OPCML: variants seen among roughly 807,000 people sequenced by gnomAD.
The protein encoded by OPCML is opioid binding protein/cell adhesion molecule like.
A neutral mutation model predicts 37.8 loss-of-function variants in OPCML; 13 were observed. That is an observed-to-expected ratio of 0.34 (90% CI 0.22 to 0.55). The LOEUF is 0.55. Among genes scored for constraint, OPCML ranks in the 20% least tolerant of loss-of-function variants. The probability of loss-of-function intolerance (pLI) is 0.91; values close to 1 mark genes in which losing one functional copy is unlikely to be tolerated. For missense variants in OPCML, 341 were observed against 435.6 expected (o/e 0.78, Z 1.93); for synonymous variants, 176 against 168.8 (o/e 1.04, Z -0.33).
intron 2 of OPCML, among the ~76,000 whole-genome samples, chr11:132,739,919 G>A (rs1445334265): frequency 3.9e-5 from 6 of 151,966 alleles, no homozygotes; most frequent in Admixed American, 6.6e-5. Flanking sequence ...AACCTATTTC[G>A]ACAAACAGAT....
intron 2 of OPCML, among the ~76,000 whole-genome samples, chr11:132,669,999 G>T (rs1227534015): frequency 1.3e-5 from 2 of 152,030 alleles, no homozygotes; most frequent in Non-Finnish European, 2.9e-5. Context: ...CTCTGACTCT[G>T]CCCTCCCTTC....
At chr11:132,593,265 G>A (rs1382015014) in intron 3 of OPCML, among the ~76,000 whole-genome samples, 3 of 152,218 alleles carry the variant, frequency 2.0e-5, no homozygotes, top group East Asian at 1.9e-4. Flanking sequence ...CAAGGATGTC[G>A]GTGTGGCTGG....
At chr11:133,036,959 C>G (rs774082984) in intron 1 of OPCML, among the ~76,000 whole-genome samples, 3 of 152,144 alleles carry the variant, frequency 2.0e-5, no homozygotes, top group Admixed American at 1.3e-4. Flanking sequence ...TCTGCAGGAG[C>G]TCCAAGACCA....
intron 1 of OPCML, among the ~76,000 whole-genome samples, chr11:133,073,475 G>C (rs918426385): frequency 9.2e-5 from 14 of 152,218 alleles, no homozygotes; most frequent in Non-Finnish European, 7.3e-5. Flanking sequence ...ACAGGGAGCT[G>C]AGGGCAGTTC....
intron 1 of OPCML, chr11:133,005,575 T>A (rs1395502): frequency 0.77 from 762,461 of 984,736 alleles, 295,820 homozygotes; most frequent in African/African-American, 0.9. Context: ...TTTTAATATA[T>A]CCCTTTCCTT....
rs1940720731 is a variant in OPCML at position 132,832,055 on chromosome 11, CT to C, written c.146+110870del. Among the ~76,000 whole-genome samples the C allele has an allele frequency of 2.6e-5, 4 of 151,934 alleles. No homozygotes were observed. In the South Asian group the frequency reaches 8.3e-4, roughly 32 times the overall value. ...GTGGGACATTTGCTGCATGACAACT[CT>C]GGTTCAAAGAATGACTGTGTGTCTG... On this transcript the variant is annotated intron_variant, in intron 2 of 7. Transcript: ENST00000524381.
intron 1 of OPCML, chr11:133,004,469 G>A (rs537031100): frequency 1.0e-6 from 1 of 985,450 alleles, no homozygotes; most frequent in East Asian, 1.1e-4. Context: ...TGTGCTTGGT[G>A]GAGGGGACAC....
chr11:133,336,189 G>A (rs1233328919), intron 1 of OPCML, among the ~76,000 whole-genome samples: 1 of 152,186 alleles, frequency 6.6e-6, no homozygotes, highest in Non-Finnish European at 1.5e-5. Flanking sequence ...CAGCGTGCAG[G>A]ACAAGAACTG....
At chr11:133,470,945 T>G (rs577872478) in intron 1 of OPCML, among the ~76,000 whole-genome samples, 73 of 152,272 alleles carry the variant, frequency 4.8e-4, no homozygotes, top group Middle Eastern at 6.8e-3. Flanking sequence ...TTGGCAAATT[T>G]TGTTCCCTGA....
intron 1 of OPCML, among the ~76,000 whole-genome samples, chr11:133,216,115 G>C (rs558957042): frequency 1.1e-4 from 17 of 152,262 alleles, no homozygotes; most frequent in African/African-American, 4.1e-4. Context: ...CAGAAAACAC[G>C]CAGTGCAGCC....
chr11:132,926,116 G>A (rs932316123), intron 2 of OPCML, among the ~76,000 whole-genome samples: 1 of 152,198 alleles, frequency 6.6e-6, no homozygotes, highest in Admixed American at 6.5e-5. Flanking sequence ...GGCAAGAATA[G>A]AGACCCTTGT....
At chr11:132,597,643 CAT>C (rs2096494503) in intron 3 of OPCML, among the ~76,000 whole-genome samples, 1 of 152,152 alleles carries the variant, frequency 6.6e-6, no homozygotes, top group South Asian at 2.1e-4. Context: ...GCATAGAACA[CAT>C]GAGTGACAAT....
rs1416443083 is a variant in OPCML at position 133,177,335 on chromosome 11, G to A, written c.62-234325C>T. 1.3e-5 allele frequency among the ~76,000 whole-genome samples: 2 copies of A among 152,178 alleles called. No individual in the cohort carries two copies. On this transcript the variant is annotated intron_variant, in intron 1 of 7. Coordinates refer to ENST00000524381, the MANE Select transcript of OPCML (RefSeq NM_001012393.5). The surrounding 1 kb of genome is among the most constrained non-coding windows in gnomAD (Gnocchi z 5.0). ...CTTTTTAAGATTCTATCATTTGAAG[G>A]AAGGAAGTGGAGAGGGCTATAAATT...
At chr11:133,521,196 G>T (rs570607691) in intron 1 of OPCML, among the ~76,000 whole-genome samples, 1 of 152,124 alleles carries the variant, frequency 6.6e-6, no homozygotes, top group African/African-American at 2.4e-5. Flanking sequence ...GTCCACTTGC[G>T]AATTAGGCAA....
chr11:132,605,259 T>C (rs1938205298), intron 3 of OPCML, among the ~76,000 whole-genome samples: 1 of 152,002 alleles, frequency 6.6e-6, no homozygotes, highest in African/African-American at 2.4e-5. Context: ...TTTCCATGGT[T>C]TTAAGAATGA....
chr11:133,500,399 T>A (rs1327155057), intron 1 of OPCML, among the ~76,000 whole-genome samples: 1 of 152,188 alleles, frequency 6.6e-6, no homozygotes, highest in Non-Finnish European at 1.5e-5. Context: ...TGTCAGCTTC[T>A]CTCCAGGCCA....
chr11:132,578,291 A>G (rs1163964056), intron 3 of OPCML, among the ~76,000 whole-genome samples: 2 of 152,184 alleles, frequency 1.3e-5, no homozygotes, highest in Admixed American at 6.5e-5. Flanking sequence ...ACAGTCCTCA[A>G]CCAATGCTTT....
rs1948037766 is a variant in OPCML, at chr11:133,047,432, T to C, written c.62-104422A>G. ...TCCTTGATTCGGTTGTTATTTATTA[T>C]TCAATAATTGTCCTATTAAACTTAA... On this transcript the variant is annotated intron_variant, in intron 1 of 7. Transcript: ENST00000524381. Among the ~76,000 whole-genome samples, 4 of 152,260 alleles carry C rather than the reference T, an allele frequency of 2.6e-5. No individual in the cohort carries two copies. The South Asian group carries it at 8.3e-4, about 32-fold the overall frequency.
intron 4 of OPCML, among the ~76,000 whole-genome samples, chr11:132,445,383 C>T (rs1411413890): frequency 2.0e-5 from 3 of 152,174 alleles, no homozygotes; most frequent in African/African-American, 7.2e-5. Flanking sequence ...ACTCAAGTGA[C>T]TCCTCCAGTA....
Sources: allele counts gnomAD v4.1 joint callset (sites outside exome capture counted in the v4.1 genomes callset), GRCh38; gene constraint gnomAD v4.1.1; non-coding constraint Gnocchi (gnomAD v3.1); transcripts MANE v1.5; gene names NCBI Gene and HGNC (gene_info 2026-07-23, HGNC 2026-07-21).